Variants in RPRD1A observed in about 807,000 individuals in gnomAD.
RPRD1A encodes the protein regulation of nuclear pre-mRNA domain containing 1A, also known as regulation of nuclear pre-mRNA domain-containing protein 1A.
In RPRD1A, 9 loss-of-function variants were observed where a neutral mutation model predicts 37.8. The observed-to-expected ratio is 0.24, with a 90% confidence interval of 0.14 to 0.42. The LOEUF (loss-of-function observed/expected upper bound fraction) is 0.42. Among genes scored for constraint, RPRD1A ranks in the 10% least tolerant of loss-of-function variants. The pLI is 1.00. For synonymous variants in RPRD1A, 138 were observed against 139.7 expected (o/e 0.99, Z 0.08); for missense variants, 255 against 371.0 (o/e 0.69, Z 2.57).
In RPRD1A at chr18:35,992,938, C is replaced by T; in HGVS notation, c.*213G>A. ...ATCACTATTTGTGAGCTTATTAATACACACAAATCATCACTTTGTTCAAAT... is the reference window on the plus strand; with the variant it reads ...ATCACTATTTGTGAGCTTATTAATATACACAAATCATCACTTTGTTCAAAT... On this transcript the variant is annotated 3_prime_UTR_variant, in exon 7 of 7. Coordinates refer to ENST00000399022, the MANE Select transcript of RPRD1A (RefSeq NM_018170.5). 2.5e-6 allele frequency: 1 copy of T among 392,302 alleles called. No individual in the cohort carries two copies. Among genetic ancestry groups the T allele is most frequent in the Non-Finnish European group, 4.4e-6 (1 of 227,144 alleles). 24.3% of individuals were successfully genotyped at this position (392,302 alleles called of 1,614,324 possible). A position where few individuals can be genotyped will look rare whatever the true frequency, so the allele number is the denominator to read the frequency against.
rs532404122 is a variant in RPRD1A at position 36,048,119 on chromosome 18, T to C, written c.152-14282A>G. 3.0e-4 allele frequency among the ~76,000 whole-genome samples: 42 copies of C among 140,906 alleles called. 1 individual carries two copies. The East Asian group carries it at 5.6e-3, about 19-fold the overall frequency. 92.4% of individuals were successfully genotyped at this position (140,906 alleles called of 152,430 possible). ...TTCGCTCTTGTTGCCCAAGCTGGAG[T>C]GCAATGGCGCCACCTGGGCTCACCG... On this transcript the variant is annotated intron_variant, in intron 1 of 6. Coordinates refer to ENST00000399022, the MANE Select transcript of RPRD1A (RefSeq NM_018170.5).
intron 6 of RPRD1A, among the ~76,000 whole-genome samples, chr18:36,016,957 G>A (rs1347441620): frequency 6.6e-6 from 1 of 152,056 alleles, no homozygotes; most frequent in Non-Finnish European, 1.5e-5. Context: ...GATGGTATCT[G>A]CATGTGCTTA....
intron 6 of RPRD1A, chr18:36,025,092 T>C (rs1386029429): frequency 1.3e-5 from 2 of 152,208 alleles, no homozygotes; most frequent in Admixed American, 6.5e-5. Context: ...TTGGAAAAAA[T>C]AGGACTTTAG....
intron 1 of RPRD1A, among the ~76,000 whole-genome samples, chr18:36,045,450 C>T (rs1912886978): frequency 6.6e-6 from 1 of 152,136 alleles, no homozygotes; most frequent in South Asian, 2.1e-4. Context: ...CTGGTCACTG[C>T]TTACATAGTT....
chr18:36,048,872 A>G (rs1913157950), intron 1 of RPRD1A, among the ~76,000 whole-genome samples: 1 of 152,238 alleles, frequency 6.6e-6, no homozygotes, highest in Non-Finnish European at 1.5e-5. Flanking sequence ...TTATCTGCAT[A>G]GCAAACCCCA....
intron 1 of RPRD1A, among the ~76,000 whole-genome samples, chr18:36,043,715 T>C (rs1912761354): frequency 6.6e-6 from 1 of 151,494 alleles, no homozygotes. Context: ...GAAATAATAT[T>C]GACTACAATT....
chr18:35,993,439 A>T lies in RPRD1A; in HGVS notation c.790-139T>A. 3.9e-6 allele frequency: 3 copies of T among 765,524 alleles called. 1 individual carries two copies. In the South Asian group the frequency reaches 6.4e-5, roughly 16 times the overall value. The allele number at this position is 765,524 out of a possible 1,614,324, so 47.4% of individuals were successfully genotyped here. A position where few individuals can be genotyped will look rare whatever the true frequency, so the allele number is the denominator to read the frequency against. ...AGGTTATTCCAGTGTGAGTTTTCACATCAAAAGATGAGCTTTGGAAATATA... is the reference window on the plus strand; with the variant it reads ...AGGTTATTCCAGTGTGAGTTTTCACTTCAAAAGATGAGCTTTGGAAATATA... On this transcript the variant is annotated intron_variant, in intron 6 of 6. Coordinates refer to ENST00000399022, the MANE Select transcript of RPRD1A (RefSeq NM_018170.5).
chr18:36,054,720 T>C (rs1275739958), intron 1 of RPRD1A, among the ~76,000 whole-genome samples: 2 of 152,006 alleles, frequency 1.3e-5, no homozygotes, highest in African/African-American at 4.8e-5. Flanking sequence ...GGGGAGCCAA[T>C]GGAGTAGTTC....
chr18:36,021,465 TCTCC>T (rs1459887192), intron 6 of RPRD1A, among the ~76,000 whole-genome samples: 16 of 152,300 alleles, frequency 1.1e-4, no homozygotes, highest in East Asian at 3.9e-4. Context: ...TGTCCCTGTC[TCTCC>T]CTCCCTATTT....
chr18:36,033,630 A>T, intron 2 of RPRD1A, 78 bp downstream of exon 2: 2 of 1,251,196 alleles, frequency 1.6e-6, no homozygotes, highest in African/African-American at 1.5e-5. Flanking sequence ...TTATTTTAAT[A>T]GTTTAAGGCA....
intron 6 of RPRD1A, among the ~76,000 whole-genome samples, chr18:35,996,901 C>T (rs946202677): frequency 4.6e-4 from 69 of 148,494 alleles, no homozygotes; most frequent in African/African-American, 1.7e-3. Flanking sequence ...TCACCTGGGC[C>T]CAGGAGGTCG....
At chr18:36,008,733 G>A (rs1220543420) in intron 6 of RPRD1A, among the ~76,000 whole-genome samples, 1 of 151,206 alleles carries the variant, frequency 6.6e-6, no homozygotes, top group Non-Finnish European at 1.5e-5. Context: ...TGCATTATGT[G>A]CAATGGTAGA....
At chr18:36,001,911 C>A (rs1467264896) in intron 6 of RPRD1A, among the ~76,000 whole-genome samples, 1 of 152,156 alleles carries the variant, frequency 6.6e-6, no homozygotes, top group African/African-American at 2.4e-5. Flanking sequence ...ATATATAATT[C>A]TAAGTTGGTG....
intron 1 of RPRD1A, among the ~76,000 whole-genome samples, chr18:36,060,330 G>A (rs2088882216): frequency 6.6e-6 from 1 of 152,054 alleles, no homozygotes; most frequent in African/African-American, 2.4e-5. Flanking sequence ...CTACTTGGGA[G>A]GCTGAGACAG....
At chr18:36,048,496 T>C (rs979378463) in intron 1 of RPRD1A, among the ~76,000 whole-genome samples, 1 of 148,722 alleles carries the variant, frequency 6.7e-6, no homozygotes, top group Non-Finnish European at 1.5e-5. Context: ...CTCAATGTGA[T>C]GCACCACATT....
chr18:36,066,250 T>G (rs570488736), intron 1 of RPRD1A, among the ~76,000 whole-genome samples: 2 of 152,242 alleles, frequency 1.3e-5, no homozygotes, highest in Non-Finnish European at 2.9e-5. Flanking sequence ...GTCTCCATTA[T>G]ATACAGCCAA....
rs564492866 is a variant in RPRD1A, at chr18:36,012,305, TATA to T, written c.789+14592_789+14594del. Among the ~76,000 whole-genome samples the T allele has an allele frequency of 5.3e-4, 81 of 152,350 alleles. 1 individual carries two copies. The South Asian group carries it at 0.012, about 23-fold the overall frequency. On this transcript the variant is annotated intron_variant, in intron 6 of 6. Coordinates refer to ENST00000399022, the MANE Select transcript of RPRD1A (RefSeq NM_018170.5). ...AAGTACAGTACAATTATGTACAGTA[TATA>T]ATATTTGATAATGAAAATAAATGAC...
intron 1 of RPRD1A, among the ~76,000 whole-genome samples, chr18:36,059,220 CTCCGCT>C (rs1404279195): frequency 7.2e-5 from 11 of 152,098 alleles, no homozygotes; most frequent in Non-Finnish European, 1.3e-4. Context: ...TCACTGCAAC[CTCCGCT>C]TCCCGGGTTC....
intron 6 of RPRD1A, among the ~76,000 whole-genome samples, chr18:36,010,724 C>T (rs191132697): frequency 6.6e-6 from 1 of 152,150 alleles, no homozygotes; most frequent in Admixed American, 6.5e-5. Context: ...GAAAACACTT[C>T]GCACCAACTT....
Sources: gnomAD v4.1 joint callset for allele counts (sites outside exome capture counted in the v4.1 genomes callset) on GRCh38, gnomAD v4.1.1 for gene constraint, MANE v1.5 for transcripts, NCBI Gene and HGNC (gene_info 2026-07-23, HGNC 2026-07-21) for gene names.